The following MGAT3 variants were observed in gnomAD, a reference collection of about 807,000 sequenced individuals.
MGAT3 encodes beta-1,4-mannosyl-glycoprotein 4-beta-N-acetylglucosaminyltransferase, also known as GlcNAc-T III.
A neutral mutation model predicts 29.8 loss-of-function variants in MGAT3; 9 were observed. The observed-to-expected ratio is 0.30, with a 90% confidence interval of 0.18 to 0.53. The LOEUF is 0.53. Ranked by LOEUF, MGAT3 falls within the 20% of genes least tolerant of loss-of-function variation. The probability of loss-of-function intolerance (pLI) is 0.96; values close to 1 mark genes in which losing one functional copy is unlikely to be tolerated. For missense variants in MGAT3, 557 were observed against 769.5 expected (o/e 0.72, Z 3.27); for synonymous variants, 397 against 348.9 (o/e 1.14, Z -1.54).
At chr22:39,464,733 G>A (rs544134931) in intron 1 of MGAT3, among the ~76,000 whole-genome samples, 70 of 151,474 alleles carry the variant, frequency 4.6e-4, no homozygotes, top group African/African-American at 1.6e-3. Flanking sequence ...GAGCCTCTGA[G>A]CCTGGCCTGA....
chr22:39,463,281 A>G (rs1028148363), intron 1 of MGAT3, among the ~76,000 whole-genome samples: 5 of 152,226 alleles, frequency 3.3e-5, no homozygotes, highest in African/African-American at 1.2e-4. Context: ...GAGGGTACCC[A>G]GAGTTGGGGG....
At chr22:39,484,693 C>T (rs1362206340) in intron 1 of MGAT3, among the ~76,000 whole-genome samples, 1 of 151,958 alleles carries the variant, frequency 6.6e-6, no homozygotes, top group African/African-American at 2.4e-5. Context: ...TCTTTCCACC[C>T]TACCTTGCTG....
chr22:39,460,076 T>C (rs1443420785), intron 1 of MGAT3, among the ~76,000 whole-genome samples: 1 of 152,216 alleles, frequency 6.6e-6, no homozygotes, highest in African/African-American at 2.4e-5. Context: ...ACAGCCCCTC[T>C]TGGCCTCATG....
intron 1 of MGAT3, among the ~76,000 whole-genome samples, chr22:39,482,596 C>A (rs1163272682): frequency 6.6e-6 from 1 of 152,130 alleles, no homozygotes; most frequent in African/African-American, 2.4e-5. Context: ...ACCCTGAGTG[C>A]CAGTGCTTAT....
chr22:39,481,898 G>A (rs1278654449), intron 1 of MGAT3, among the ~76,000 whole-genome samples: 2 of 152,166 alleles, frequency 1.3e-5, no homozygotes, highest in African/African-American at 4.8e-5. Context: ...ACAGTGTCTG[G>A]CATGTCAGCC....
rs1221056489 is a variant in MGAT3, at chr22:39,488,755, C to T, written c.1408C>T (p.Gln470Ter). Residue 470 changes from glutamine to a stop codon, truncating the protein, a stop_gained, in exon 2 of 2, where the codon CAG (glutamine) becomes TAG (stop). Coordinates refer to ENST00000341184, the MANE Select transcript of MGAT3 (RefSeq NM_002409.5). LOFTEE classifies it low-confidence loss of function (END_TRUNC). ...RTGGWFDGTQ[Q>*]EYPPADPSEH... is the part of the protein sequence containing the mutation. ...CGGGGGCTGGTTCGACGGCACGCAG[C>T]AGGAGTACCCGCCTGCAGACCCCAG... 1 of 1,612,516 alleles carries T rather than the reference C, an allele frequency of 6.2e-7. No homozygotes were observed. The highest frequency in any genetic ancestry group is 8.5e-7 in the Non-Finnish European group (1 of 1,179,318).
chr22:39,470,794 A>G (rs1928787696), intron 1 of MGAT3, among the ~76,000 whole-genome samples: 1 of 152,154 alleles, frequency 6.6e-6, no homozygotes. Flanking sequence ...GGATGGCCTC[A>G]CATTGCTGAT....
intron 1 of MGAT3, among the ~76,000 whole-genome samples, chr22:39,458,534 A>C (rs1928407137): frequency 6.6e-6 from 1 of 152,040 alleles, no homozygotes; most frequent in Non-Finnish European, 1.5e-5. Flanking sequence ...GGAGCCCAGC[A>C]GAAGGATGGA....
At position 39,458,362 on chromosome 22, in the gene MGAT3, G is replaced by A. The variant is rs185855904; in HGVS notation, c.-2+805G>A. On this transcript the variant is annotated intron_variant, in intron 1 of 1. Coordinates refer to ENST00000341184, the MANE Select transcript of MGAT3 (RefSeq NM_002409.5). The stretch of plus-strand genomic sequence containing the variant: ...CCAGCCCCGGAAGATGCCCCTGAAG[G>A]CCCCTGATGGGGTGTGGGCAGACAC... Among the ~76,000 whole-genome samples, 589 of 152,240 alleles carry A rather than the reference G, an allele frequency of 3.9e-3. 2 individuals are homozygous for A. The highest frequency in any genetic ancestry group is 0.014 in the African/African-American group (580 of 41,546).
intron 1 of MGAT3, among the ~76,000 whole-genome samples, chr22:39,472,460 C>T (rs754496579): frequency 1.3e-5 from 2 of 152,134 alleles, no homozygotes; most frequent in Non-Finnish European, 2.9e-5. Context: ...GTGCAGTTCT[C>T]GGGAACCCTC....
chr22:39,486,772 AT>A (rs1929283853), intron 1 of MGAT3, among the ~76,000 whole-genome samples: 1 of 152,206 alleles, frequency 6.6e-6, no homozygotes, highest in Non-Finnish European at 1.5e-5. Context: ...AGGTGTTGGG[AT>A]TACAGGCGTG....
At chr22:39,482,937 G>T (rs141199854) in intron 1 of MGAT3, among the ~76,000 whole-genome samples, 97 of 152,326 alleles carry the variant, frequency 6.4e-4, no homozygotes, top group African/African-American at 2.2e-3. Context: ...GGCACAGCTG[G>T]CTATGAGTAA....
At chr22:39,462,520 G>A (rs1928527019) in intron 1 of MGAT3, among the ~76,000 whole-genome samples, 1 of 152,236 alleles carries the variant, frequency 6.6e-6, no homozygotes, top group Admixed American at 6.5e-5. Flanking sequence ...CCCTCCAGAG[G>A]GCAGCCTCAC....
At chr22:39,472,166 T>C (rs1441672337) in intron 1 of MGAT3, among the ~76,000 whole-genome samples, 1 of 151,926 alleles carries the variant, frequency 6.6e-6, no homozygotes, top group East Asian at 1.9e-4. Context: ...AGCAGTACAA[T>C]AGCTGTCTGG....
At position 39,488,194 on chromosome 22, in the gene MGAT3, C is replaced by T; in HGVS notation, c.847C>T (p.Gln283Ter). The change falls in exon 2 of 2, where the codon CAG becomes TAG. Residue 283 changes from glutamine (Q) to a stop codon, truncating the protein, a stop_gained. Transcript: ENST00000341184. LOFTEE classifies it high-confidence loss of function. ...GGACCACTTCCCGCCCGGCGGCCGG[C>T]AGGACGGCTGGATCGCCGACGACTA... ...FLDHFPPGGR[Q>*]DGWIADDYLR... 2 of 1,612,868 alleles carry T rather than the reference C, an allele frequency of 1.2e-6. No homozygotes were observed. Among genetic ancestry groups the T allele is most frequent in the South Asian group, 1.1e-5 (1 of 91,062 alleles).
chr22:39,485,016 G>C (rs1309306328), intron 1 of MGAT3, among the ~76,000 whole-genome samples: 1 of 151,984 alleles, frequency 6.6e-6, no homozygotes, highest in Non-Finnish European at 1.5e-5. Flanking sequence ...AAAAAAGTGA[G>C]GGGGAGAGCA....
chr22:39,466,804 C>G (rs1386020463), intron 1 of MGAT3, among the ~76,000 whole-genome samples: 2 of 152,232 alleles, frequency 1.3e-5, no homozygotes, highest in African/African-American at 4.8e-5. Context: ...CTCCTACACA[C>G]GGGTCAAGTT....
At position 39,489,289 on chromosome 22, in the gene MGAT3, G is replaced by T. The variant is rs539331548; in HGVS notation, c.*340G>T. Reference sequence around the variant, plus strand: ...CAGGATTGGGGAAGAGAGCCTGCAGGATCTCACCAGGCAGCCTCTGGGGGG... The same window carrying T: ...CAGGATTGGGGAAGAGAGCCTGCAGTATCTCACCAGGCAGCCTCTGGGGGG... On this transcript the variant is annotated 3_prime_UTR_variant, in exon 2 of 2. Transcript: ENST00000341184. 1.0e-4 allele frequency: 35 copies of T among 341,802 alleles called. No individual in the cohort carries two copies. Among genetic ancestry groups the T allele is most frequent in the Non-Finnish European group, 1.8e-4 (31 of 176,954 alleles). 21.2% of individuals were successfully genotyped at this position (341,802 alleles called of 1,614,324 possible).
intron 1 of MGAT3, among the ~76,000 whole-genome samples, chr22:39,471,775 G>C (rs8137402): frequency 2.0e-5 from 3 of 152,126 alleles, no homozygotes; most frequent in East Asian, 1.9e-4. Context: ...GGGGCAGAGC[G>C]ACACGGTACT....
Sources: allele counts gnomAD v4.1 joint callset (sites outside exome capture counted in the v4.1 genomes callset), GRCh38; gene constraint gnomAD v4.1.1; transcripts MANE v1.5; gene names NCBI Gene and HGNC (gene_info 2026-07-23, HGNC 2026-07-21).